The following SLC5A11 variants were observed in gnomAD, a reference collection of about 807,000 sequenced individuals.
SLC5A11 encodes the protein solute carrier family 5 member 11.
Under a neutral mutation model 69.8 loss-of-function variants are expected in SLC5A11, and 48 were observed. The observed-to-expected ratio is 0.69, with a 90% CI of 0.55 to 0.87. The LOEUF is 0.87. SLC5A11 is among the 40% of genes least tolerant of loss of function. The pLI, the probability that SLC5A11 is intolerant of heterozygous loss-of-function variation, is 0.00. For missense variants in SLC5A11, 784 were observed against 866.1 expected, an observed-to-expected ratio of 0.91 and a Z score of 1.19; for synonymous variants, 319 against 342.4, an observed-to-expected ratio of 0.93 and a Z score of 0.75.
chr16:24,895,269 A>T (rs1300670008), intron 9 of SLC5A11, among the ~76,000 whole-genome samples: 1 of 152,088 alleles, frequency 6.6e-6, no homozygotes, highest in African/African-American at 2.4e-5. Flanking sequence ...TGGGTGGATC[A>T]CTTAAGGTCA....
chr16:24,868,926 G>T (rs991593507), intron 3 of SLC5A11, among the ~76,000 whole-genome samples: 5 of 149,996 alleles, frequency 3.3e-5, no homozygotes, highest in African/African-American at 1.2e-4. Flanking sequence ...GGAGTGCAGT[G>T]GTGCAATCTC....
At chr16:24,877,141 T>G (rs2047727503) in intron 6 of SLC5A11, 117 bp from the exon 8 acceptor site, 7 of 1,530,740 alleles carry the variant, frequency 4.6e-6, no homozygotes, top group Non-Finnish European at 6.1e-6. Context: ...GACGTATGAC[T>G]CTTCTGTGTT....
intron 10 of SLC5A11, among the ~76,000 whole-genome samples, chr16:24,899,180 C>G (rs1441091126): frequency 6.6e-6 from 1 of 152,170 alleles, no homozygotes; most frequent in African/African-American, 2.4e-5. Flanking sequence ...TGACTCTATG[C>G]TGTTTCTCAA....
intron 15 of SLC5A11, 51 bp downstream of exon 16, chr16:24,910,528 G>C (rs1199986217): frequency 6.7e-7 from 1 of 1,497,650 alleles, no homozygotes; most frequent in East Asian, 2.3e-5. Flanking sequence ...GTGTTAAAGG[G>C]ATTGATTTTT....
At chr16:24,898,352 C>T (rs757592554) in intron 10 of SLC5A11, among the ~76,000 whole-genome samples, 6 of 152,058 alleles carry the variant, frequency 3.9e-5, no homozygotes, top group Non-Finnish European at 8.8e-5. Flanking sequence ...GCTGGGGCTA[C>T]AGGTATGCAC....
intron 6 of SLC5A11, among the ~76,000 whole-genome samples, chr16:24,876,057 G>A (rs964917498): frequency 6.6e-6 from 1 of 152,100 alleles, no homozygotes; most frequent in African/African-American, 2.4e-5. Flanking sequence ...TTAGCCAGGC[G>A]TGGTGGCTGA....
intron 1 of SLC5A11, among the ~76,000 whole-genome samples, chr16:24,857,066 C>A (rs2059567922): frequency 6.6e-6 from 1 of 152,192 alleles, no homozygotes; most frequent in Non-Finnish European, 1.5e-5. Context: ...GGGATCCACT[C>A]ACCTCGGCCT....
intron 3 of SLC5A11, among the ~76,000 whole-genome samples, chr16:24,863,015 A>G (rs1248536873): frequency 7.1e-6 from 1 of 140,778 alleles, no homozygotes; most frequent in Non-Finnish European, 1.5e-5. Flanking sequence ...TGTAATATAT[A>G]GTTATATAAT....
chr16:24,891,152 C>T (rs2048777496), intron 9 of SLC5A11, 78 bp downstream of exon 10: 5 of 1,392,132 alleles, frequency 3.6e-6, no homozygotes, highest in Non-Finnish European at 5.0e-6. Flanking sequence ...GTGCTTTTTT[C>T]TTCCTCCATC....
chr16:24,871,630 C>A (rs1376830772), intron 4 of SLC5A11, among the ~76,000 whole-genome samples: 1 of 152,038 alleles, frequency 6.6e-6, no homozygotes, highest in East Asian at 1.9e-4. Context: ...TTAATGGTAC[C>A]TGTTATGTAG....
At chr16:24,881,065 G>T (rs1330603014) in intron 7 of SLC5A11, among the ~76,000 whole-genome samples, 1 of 151,904 alleles carries the variant, frequency 6.6e-6, no homozygotes, top group Admixed American at 6.6e-5. Context: ...AATTAGCCAG[G>T]CGTGGTGGCG....
At chr16:24,910,800 A>G (rs1391204878) in intron 15 of SLC5A11, among the ~76,000 whole-genome samples, 2 of 152,156 alleles carry the variant, frequency 1.3e-5, no homozygotes, top group African/African-American at 4.8e-5. Context: ...TAGTGCTTCT[A>G]AACTGGCGGC....
chr16:24,870,487 AAAC>A, intron 4 of SLC5A11, among the ~76,000 whole-genome samples: 1 of 148,102 alleles, frequency 6.8e-6, no homozygotes, highest in Non-Finnish European at 1.5e-5. Flanking sequence ...CACAAAAAAA[AAAC>A]AATAGTGGGT....
At chr16:24,866,852 G>A (rs1312018597) in intron 3 of SLC5A11, among the ~76,000 whole-genome samples, 1 of 152,086 alleles carries the variant, frequency 6.6e-6, no homozygotes, top group Non-Finnish European at 1.5e-5. Flanking sequence ...AAACATAATT[G>A]CACCTAACAA....
rs150053920 is a variant in SLC5A11, at chr16:24,856,329, T to G, written c.-24-2291T>G. 3.0e-3 allele frequency among the ~76,000 whole-genome samples: 462 copies of G among 152,014 alleles called. 5 individuals carry two copies. Among genetic ancestry groups the G allele is most frequent in the African/African-American group, 0.011 (441 of 41,466 alleles). On this transcript the variant is annotated intron_variant, in intron 1 of 15. Coordinates refer to ENST00000347898, the Ensembl canonical transcript of SLC5A11. ...TTGCATAAAATGAAAAGTGTTGGAGTTTTTTCTTACTTTAAAAATGTACCT... is the reference window on the plus strand; with the variant it reads ...TTGCATAAAATGAAAAGTGTTGGAGGTTTTTCTTACTTTAAAAATGTACCT...
chr16:24,855,693 A>C (rs1469931220), intron 1 of SLC5A11, among the ~76,000 whole-genome samples: 1 of 151,904 alleles, frequency 6.6e-6, no homozygotes, highest in South Asian at 2.1e-4. Flanking sequence ...TAAATAAATA[A>C]ATAAAAATAA....
intron 1 of SLC5A11, among the ~76,000 whole-genome samples, chr16:24,849,967 A>G (rs1358131949): frequency 1.3e-5 from 2 of 151,874 alleles, no homozygotes; most frequent in Non-Finnish European, 2.9e-5. Flanking sequence ...ATTATTATCT[A>G]TTATTTGAGA....
chr16:24,877,049 AG>A, intron 6 of SLC5A11: 1 of 1,393,422 alleles, frequency 7.2e-7, no homozygotes, highest in Non-Finnish European at 9.3e-7. Context: ...AAGACCATTG[AG>A]GAGGCTGCTG....
Position 24,883,501 on chromosome 16 carries a change from C to T in SLC5A11, c.584-550C>T, listed in dbSNP as rs181243202. 3.3e-5 allele frequency among the ~76,000 whole-genome samples: 5 copies of T among 152,288 alleles called. No homozygotes were observed. In the East Asian group the frequency reaches 9.6e-4, roughly 29 times the overall value. ...CCACAAATTGAGGGGCTTGAAAAAT[C>T]AATGGTTTATTATTCCCCACAAGTC... is the stretch of plus-strand genomic sequence containing the variant. On this transcript the variant is annotated intron_variant, in intron 7 of 15. Transcript: ENST00000347898.
Sources: allele counts gnomAD v4.1 joint callset (sites outside exome capture counted in the v4.1 genomes callset), GRCh38; gene constraint gnomAD v4.1.1; transcripts MANE v1.5; gene names NCBI Gene and HGNC (gene_info 2026-07-23, HGNC 2026-07-21).